Variants in SLC24A2 observed in about 807,000 individuals in gnomAD.
SLC24A2 encodes solute carrier family 24 member 2.
SLC24A2 carries 36 observed loss-of-function variants against 62.0 expected under a neutral mutation model. The observed-to-expected ratio is 0.58, with a 90% confidence interval of 0.44 to 0.77. SLC24A2 has a LOEUF of 0.77. Ranked by LOEUF, SLC24A2 falls within the 30% of genes least tolerant of loss-of-function variation. The pLI is 0.00. For missense variants in SLC24A2, 846 were observed against 817.9 expected (o/e 1.03, Z -0.42); for synonymous variants, 358 against 294.0 (o/e 1.22, Z -2.23).
chr9:20,300,032 G>A, the SLC24A2 span, among the ~76,000 whole-genome samples: 1 of 152,190 alleles, frequency 6.6e-6, no homozygotes, highest in Non-Finnish European at 1.5e-5. Flanking sequence ...AAAGAGTAAA[G>A]TATTCTGAAA....
chr9:19,696,082 C>A (rs913692132), intron 2 of SLC24A2, among the ~76,000 whole-genome samples: 2 of 152,102 alleles, frequency 1.3e-5, no homozygotes, highest in Non-Finnish European at 2.9e-5. Context: ...CCTGTCAGAT[C>A]AGTGGTGGCA....
chr9:20,052,669 C>T, the SLC24A2 span, among the ~76,000 whole-genome samples: 1 of 152,198 alleles, frequency 6.6e-6, no homozygotes, highest in Non-Finnish European at 1.5e-5. Flanking sequence ...TCTACCTATT[C>T]TCCAATTGTC....
At chr9:19,909,339 C>T in the SLC24A2 span, among the ~76,000 whole-genome samples, 2 of 150,824 alleles carry the variant, frequency 1.3e-5, no homozygotes, top group Admixed American at 6.6e-5. Context: ...TTGTGGGGGA[C>T]GGGGAGGGCG....
intron 2 of SLC24A2, among the ~76,000 whole-genome samples, chr9:19,683,186 G>GT (rs1819773108): frequency 6.6e-6 from 1 of 152,100 alleles, no homozygotes; most frequent in African/African-American, 2.4e-5. Context: ...GCTAGACGCT[G>GT]TAAGTGCGGC....
the SLC24A2 span, among the ~76,000 whole-genome samples, chr9:20,021,860 C>G: frequency 6.6e-6 from 1 of 152,150 alleles, no homozygotes; most frequent in Non-Finnish European, 1.5e-5. Flanking sequence ...CCTTGAGGTG[C>G]TGGACAGAGC....
At chr9:20,044,701 C>T in the SLC24A2 span, among the ~76,000 whole-genome samples, 1 of 152,116 alleles carries the variant, frequency 6.6e-6, no homozygotes, top group African/African-American at 2.4e-5. Flanking sequence ...CAAAGAAATG[C>T]AAATTGTTAT....
At chr9:19,626,832 T>C (rs758655930) in intron 2 of SLC24A2, among the ~76,000 whole-genome samples, 1 of 152,182 alleles carries the variant, frequency 6.6e-6, no homozygotes, top group Non-Finnish European at 1.5e-5. Context: ...AAAATGTCTC[T>C]CCTTGTTAAA....
the SLC24A2 span, among the ~76,000 whole-genome samples, chr9:20,089,536 T>A: frequency 6.6e-6 from 1 of 151,958 alleles, no homozygotes; most frequent in Non-Finnish European, 1.5e-5. Context: ...CTAGCCCCTC[T>A]TCCCTGGGAA....
At chr9:20,140,744 C>G in the SLC24A2 span, among the ~76,000 whole-genome samples, 1 of 152,050 alleles carries the variant, frequency 6.6e-6, no homozygotes, top group African/African-American at 2.4e-5. Context: ...CACCCACAAC[C>G]CCCCACTTCT....
chr9:19,591,854 T>C (rs906465568), intron 5 of SLC24A2, among the ~76,000 whole-genome samples: 5 of 152,232 alleles, frequency 3.3e-5, no homozygotes, highest in African/African-American at 1.2e-4. Flanking sequence ...CTGCTATATA[T>C]AGCTAAAGCT....
chr9:20,270,038 G>C, the SLC24A2 span, among the ~76,000 whole-genome samples: 1 of 152,154 alleles, frequency 6.6e-6, no homozygotes, highest in Non-Finnish European at 1.5e-5. Flanking sequence ...GCAGACGTGT[G>C]AAGAGGGAAG....
the SLC24A2 span, among the ~76,000 whole-genome samples, chr9:20,026,206 G>A: frequency 6.6e-6 from 1 of 151,476 alleles, no homozygotes; most frequent in Non-Finnish European, 1.5e-5. Flanking sequence ...GAATTAAGGT[G>A]GTAAAAAAAA....
the SLC24A2 span, among the ~76,000 whole-genome samples, chr9:20,035,012 G>A: frequency 6.6e-6 from 1 of 151,968 alleles, no homozygotes; most frequent in Non-Finnish European, 1.5e-5. Flanking sequence ...AAAATGTGCT[G>A]TATAATTAAA....
intron 2 of SLC24A2, among the ~76,000 whole-genome samples, chr9:19,687,500 G>A (rs142289254): frequency 6.6e-6 from 1 of 152,138 alleles, no homozygotes; most frequent in Non-Finnish European, 1.5e-5. Context: ...CACATATCAG[G>A]CCATAGCTAT....
intron 5 of SLC24A2, among the ~76,000 whole-genome samples, chr9:19,577,696 T>C (rs1188126481): frequency 6.6e-6 from 1 of 152,084 alleles, no homozygotes; most frequent in Non-Finnish European, 1.5e-5. Context: ...CAGCAAGTAA[T>C]GTTGGTGATG....
At chr9:19,609,003 AC>A (rs1837071070) in intron 4 of SLC24A2, among the ~76,000 whole-genome samples, 1 of 152,134 alleles carries the variant, frequency 6.6e-6, no homozygotes, top group African/African-American at 2.4e-5. Flanking sequence ...TCCTTCAAGA[AC>A]CTGCTTTCAA....
At chr9:19,869,730 T>A in the SLC24A2 span, among the ~76,000 whole-genome samples, 1 of 152,222 alleles carries the variant, frequency 6.6e-6, no homozygotes, top group African/African-American at 2.4e-5. Flanking sequence ...CAACTCTATA[T>A]GTCATAAATC....
chr9:19,950,243 G>A, the SLC24A2 span, among the ~76,000 whole-genome samples: 5 of 152,070 alleles, frequency 3.3e-5, no homozygotes, highest in Non-Finnish European at 7.4e-5. Context: ...ATTATATCAG[G>A]TAATATAAGT....
At chr9:19,813,780 A>C in the SLC24A2 span, among the ~76,000 whole-genome samples, 1 of 152,138 alleles carries the variant, frequency 6.6e-6, no homozygotes, top group East Asian at 1.9e-4. Flanking sequence ...GAATGGGATT[A>C]GTGCCCTTAT....
Sources: allele counts gnomAD v4.1 joint callset (sites outside exome capture counted in the v4.1 genomes callset), GRCh38; gene constraint gnomAD v4.1.1; transcripts MANE v1.5; gene names NCBI Gene and HGNC (gene_info 2026-07-23, HGNC 2026-07-21).